Variants in FRMD4B observed in about 807,000 individuals in gnomAD.
FRMD4B encodes FERM domain-containing protein 4B.
Under a neutral mutation model 141.5 loss-of-function variants are expected in FRMD4B, and 74 were observed. The observed-to-expected ratio is 0.52, with a 90% CI of 0.43 to 0.63. FRMD4B has a LOEUF of 0.63. FRMD4B is among the 30% of genes least tolerant of loss of function. The pLI is 0.00. For missense variants in FRMD4B, 1,366 were observed against 1,253.4 expected, an observed-to-expected ratio of 1.09 and a Z score of -1.36; for synonymous variants, 506 against 467.9, an observed-to-expected ratio of 1.08 and a Z score of -1.05.
chr3:69,272,501 C>G (rs536186709), intron 5 of FRMD4B, among the ~76,000 whole-genome samples: 1 of 152,160 alleles, frequency 6.6e-6, no homozygotes, highest in East Asian at 1.9e-4. Flanking sequence ...TTACAACATT[C>G]GATTTCTGTT....
At chr3:69,444,085 CA>C (rs1705376558) in intron 1 of FRMD4B, among the ~76,000 whole-genome samples, 1 of 152,142 alleles carries the variant, frequency 6.6e-6, no homozygotes, top group Admixed American at 6.5e-5. Context: ...GACCATTTTC[CA>C]CACCCCTCTG....
rs534331322 is a variant in FRMD4B at position 69,519,212 on chromosome 3, C to G, written c.-129+22994G>C. Among the ~76,000 whole-genome samples the G allele has an allele frequency of 8.1e-4, 124 of 152,268 alleles. No individual in the cohort carries two copies. In the South Asian group the frequency reaches 9.1e-3, roughly 11 times the overall value. On this transcript the variant is annotated intron_variant, in intron 1 of 5. Transcript: ENST00000459638. ...ATTACCAAGGTTTGGGAAGTAAAGG[C>G]AAGCCATTAGACAAAGTGATATGTG...
intron 1 of FRMD4B, among the ~76,000 whole-genome samples, chr3:69,518,244 G>A (rs975843539): frequency 2.6e-5 from 4 of 151,992 alleles, no homozygotes; most frequent in Admixed American, 2.6e-4. Context: ...TATGAATAAT[G>A]CTTTAATAAA....
chr3:69,393,329 C>CAAAAAAAAA (rs3032132), intron 2 of FRMD4B, among the ~76,000 whole-genome samples: 1 of 126,198 alleles, frequency 7.9e-6, no homozygotes, highest in Non-Finnish European at 1.7e-5. Flanking sequence ...TGAAGAAGTA[C>CAAAAAAAAA]AAAAAAAAAA....
At chr3:69,315,695 T>C (rs1701784252) in intron 1 of FRMD4B, among the ~76,000 whole-genome samples, 2 of 152,266 alleles carry the variant, frequency 1.3e-5, no homozygotes, top group African/African-American at 4.8e-5. Context: ...AATTATTGTG[T>C]GGATACACGA....
chr3:69,266,873 G>A (rs977689048), intron 5 of FRMD4B, among the ~76,000 whole-genome samples: 4 of 152,186 alleles, frequency 2.6e-5, no homozygotes, highest in Non-Finnish European at 4.4e-5. Flanking sequence ...AAAGGAAAAG[G>A]TGACTTCAGA....
chr3:69,510,125 A>G (rs72937426), intron 1 of FRMD4B, among the ~76,000 whole-genome samples: 2,004 of 152,142 alleles, frequency 0.013, 42 homozygotes, highest in African/African-American at 0.046. Flanking sequence ...ATTCGTCCAG[A>G]ACAATTTTGT....
rs1478773225 is a variant in FRMD4B, at chr3:69,318,503, C to T, written c.163-4986G>A. Among the ~76,000 whole-genome samples the T allele has an allele frequency of 2.0e-5, 3 of 152,228 alleles. No homozygotes were observed. In the East Asian group the frequency reaches 5.8e-4, roughly 29 times the overall value. ...AAACACCTGAGGGTTTGGTGGAACA[C>T]CACACAGGGCAGGCTGGAGAGGGTA... On this transcript the variant is annotated intron_variant, in intron 1 of 22. Coordinates refer to ENST00000398540, the MANE Select transcript of FRMD4B (RefSeq NM_015123.3).
At chr3:69,521,693 C>A (rs527350633) in intron 1 of FRMD4B, among the ~76,000 whole-genome samples, 4 of 152,236 alleles carry the variant, frequency 2.6e-5, no homozygotes, top group African/African-American at 9.6e-5. Context: ...CACACAGGCC[C>A]ATTCTCTACT....
At chr3:69,252,332 C>T (rs2093467704) in intron 5 of FRMD4B, among the ~76,000 whole-genome samples, 2 of 152,200 alleles carry the variant, frequency 1.3e-5, no homozygotes, top group South Asian at 2.1e-4. Context: ...ATATCCAACT[C>T]ACCTGTGGAC....
At chr3:69,304,352 C>T (rs912520233) in intron 3 of FRMD4B, among the ~76,000 whole-genome samples, 1 of 151,638 alleles carries the variant, frequency 6.6e-6, no homozygotes, top group Non-Finnish European at 1.5e-5. Flanking sequence ...GGCATGGTGG[C>T]GGGTGCCTCT....
At chr3:69,282,359 G>A (rs767469671) in intron 5 of FRMD4B, among the ~76,000 whole-genome samples, 3 of 152,114 alleles carry the variant, frequency 2.0e-5, no homozygotes, top group African/African-American at 4.8e-5. Flanking sequence ...GGGGGGGCCC[G>A]TTCACTTTCA....
intron 7 of FRMD4B, among the ~76,000 whole-genome samples, chr3:69,231,337 G>C (rs1021955683): frequency 1.3e-5 from 2 of 152,098 alleles, no homozygotes; most frequent in African/African-American, 4.8e-5. Context: ...ACCCAGGCTG[G>C]AGTGCAGTGG....
At chr3:69,226,483 T>A (rs1396335438) in intron 7 of FRMD4B, among the ~76,000 whole-genome samples, 1 of 152,052 alleles carries the variant, frequency 6.6e-6, no homozygotes, top group East Asian at 1.9e-4. Context: ...AAATTGTGAG[T>A]TTTTTTAATG....
intron 14 of FRMD4B, among the ~76,000 whole-genome samples, chr3:69,195,800 A>C (rs1388880947): frequency 6.6e-6 from 1 of 152,244 alleles, no homozygotes; most frequent in Non-Finnish European, 1.5e-5. Context: ...AGATGGGACG[A>C]ATCATTTTAG....
At chr3:69,278,057 T>C (rs2093626703) in intron 5 of FRMD4B, among the ~76,000 whole-genome samples, 1 of 151,712 alleles carries the variant, frequency 6.6e-6, no homozygotes, top group Non-Finnish European at 1.5e-5. Context: ...AGTTTCACCA[T>C]ATTGGCCAGG....
At chr3:69,452,740 C>T (rs551944263) in intron 1 of FRMD4B, among the ~76,000 whole-genome samples, 2 of 152,310 alleles carry the variant, frequency 1.3e-5, no homozygotes, top group African/African-American at 4.8e-5. Context: ...AAGCACATTT[C>T]ATGTGGCTAG....
chr3:69,304,497 A>C (rs1559792193), intron 3 of FRMD4B, among the ~76,000 whole-genome samples: 3 of 151,680 alleles, frequency 2.0e-5, no homozygotes, highest in Admixed American at 6.6e-5. Context: ...AAAAAAAAAA[A>C]AAAAAAAACA....
At chr3:69,387,641 G>C (rs561770746), upstream of FRMD4B, among the ~76,000 whole-genome samples, 1 of 152,230 alleles carries the variant, frequency 6.6e-6, no homozygotes, top group African/African-American at 2.4e-5. Context: ...ACAGATTATC[G>C]ACAAGTAAAT....
Sources: allele counts gnomAD v4.1 joint callset (sites outside exome capture counted in the v4.1 genomes callset), GRCh38; gene constraint gnomAD v4.1.1; transcripts MANE v1.5; gene names NCBI Gene and HGNC (gene_info 2026-07-23, HGNC 2026-07-21).